Variants in SPATA6L observed in about 807,000 individuals in gnomAD.
SPATA6L encodes spermatogenesis associated 6 like, also known as spermatogenesis associated 6-like protein.
Under a neutral mutation model 49.2 loss-of-function variants are expected in SPATA6L, and 68 were observed. The ratio of observed to expected loss-of-function variants is 1.38; its 90% confidence interval spans 1.14 to 1.69. SPATA6L has a LOEUF of 1.69. SPATA6L is among the 40% of genes most tolerant of loss of function. The pLI is 0.00. For synonymous variants in SPATA6L, 198 were observed against 165.7 expected (o/e 1.19, Z -1.50); for missense variants, 668 against 464.3 (o/e 1.44, Z -4.03).
At chr9:4,595,432 A>G (rs2129960503), downstream of SPATA6L, among the ~76,000 whole-genome samples, 1 of 152,160 alleles carries the variant, frequency 6.6e-6, no homozygotes, top group African/African-American at 2.4e-5. Flanking sequence ...CTACTCCCAA[A>G]CCATCCTGCA....
intron 9 of SPATA6L, among the ~76,000 whole-genome samples, chr9:4,614,344 T>A (rs1247971181): frequency 1.3e-5 from 2 of 152,232 alleles, no homozygotes; most frequent in African/African-American, 4.8e-5. Flanking sequence ...CTCATCCTTA[T>A]GACCTTGATC....
At chr9:4,613,418 C>G (rs1827238326) in intron 9 of SPATA6L, among the ~76,000 whole-genome samples, 1 of 152,032 alleles carries the variant, frequency 6.6e-6, no homozygotes, top group Admixed American at 6.6e-5. Flanking sequence ...CCAGCTCTCT[C>G]TGTGACAAGC....
chr9:4,589,631 AG>A (rs1312287562), intron 13 of SPATA6L, among the ~76,000 whole-genome samples: 1 of 152,250 alleles, frequency 6.6e-6, no homozygotes, highest in Non-Finnish European at 1.5e-5. Context: ...AAACACAGAG[AG>A]GGGTTTGAGA....
chr9:4,618,615 A>G (rs4742016), intron 8 of SPATA6L, among the ~76,000 whole-genome samples: 12,157 of 152,184 alleles, frequency 0.08, 649 homozygotes, highest in East Asian at 0.26. Context: ...CACTACCAAT[A>G]AAGTAGGTAT....
At chr9:4,598,017 G>T (rs553157601), downstream of SPATA6L, among the ~76,000 whole-genome samples, 2 of 152,026 alleles carry the variant, frequency 1.3e-5, no homozygotes, top group Non-Finnish European at 2.9e-5. Flanking sequence ...CCTAAAACCC[G>T]CCACCTCTTT....
intron 7 of SPATA6L, 122 bp downstream of exon 7, chr9:4,622,286 G>A: frequency 3.1e-6 from 2 of 653,330 alleles, no homozygotes; most frequent in Non-Finnish European, 2.7e-6. Flanking sequence ...CAGCTGGAGA[G>A]TACTTGAGAA....
At position 4,629,120 on chromosome 9, in the gene SPATA6L, A is replaced by G. The variant is rs760762517; in HGVS notation, c.400T>C (p.Cys134Arg). 2.5e-5 allele frequency: 41 copies of G among 1,611,616 alleles called. No homozygotes were observed. The Middle Eastern group carries it at 6.6e-4, about 26-fold the overall frequency. ...AATCTGTTTCTATGCAGAAACACAC[A>G]TTCTCTGATGGCTGTCCTTGTAGAA... ...EFSTRTAIRECVFLHRNRFLE... is the reference protein window; with the variant it reads ...EFSTRTAIRERVFLHRNRFLE... Residue 134 changes from cysteine (C) to arginine (R), a missense_variant, in exon 5 of 12, where the codon TGT (cysteine) becomes CGT (arginine). Transcript: ENST00000682582.
chr9:4,593,291 G>A lies in SPATA6L; in HGVS notation c.*254+3144C>T, dbSNP rs1822025684. Among the ~76,000 whole-genome samples, 4 of 152,122 alleles carry A rather than the reference G, an allele frequency of 2.6e-5. No homozygotes were observed. The South Asian group carries it at 8.3e-4, about 31-fold the overall frequency. ...ACCAAATTTGCTCCTTCAAATTGCTGTTTGTTTTCCCATTCTAGCAAAAAT... is the reference window on the plus strand; with the variant it reads ...ACCAAATTTGCTCCTTCAAATTGCTATTTGTTTTCCCATTCTAGCAAAAAT... On this transcript the variant is annotated intron_variant and NMD_transcript_variant, in intron 13 of 13. Coordinates refer to the SPATA6L transcript ENST00000461761.
chr9:4,604,004 C>T (rs12004824), intron 11 of SPATA6L, among the ~76,000 whole-genome samples, 175 bp downstream of exon 11: 3,310 of 152,280 alleles, frequency 0.022, 106 homozygotes, highest in African/African-American at 0.076. Context: ...CTGGAAGGCA[C>T]GTGCACTGCA....
At chr9:4,612,781 G>A (rs907769810) in intron 9 of SPATA6L, among the ~76,000 whole-genome samples, 8 of 152,012 alleles carry the variant, frequency 5.3e-5, no homozygotes, top group South Asian at 2.1e-4. Context: ...TCATTCTCTC[G>A]TTCATTCATT....
intron 7 of SPATA6L, among the ~76,000 whole-genome samples, chr9:4,619,142 A>G (rs1275287652): frequency 1.4e-5 from 2 of 147,628 alleles, no homozygotes; most frequent in Admixed American, 1.4e-4. Flanking sequence ...TGAGGTCAAC[A>G]GTCAGGTTTT....
intron 11 of SPATA6L, among the ~76,000 whole-genome samples, chr9:4,602,358 C>A (rs1296245124): frequency 6.6e-6 from 1 of 152,112 alleles, no homozygotes; most frequent in Admixed American, 6.5e-5. Flanking sequence ...CAGAATCCGT[C>A]CTTTAATCTA....
At chr9:4,609,195 A>T (rs1402308786) in intron 9 of SPATA6L, among the ~76,000 whole-genome samples, 1 of 151,692 alleles carries the variant, frequency 6.6e-6, no homozygotes, top group Non-Finnish European at 1.5e-5. Flanking sequence ...AGATGGATTC[A>T]CAGCCGAATT....
At chr9:4,624,152 T>C (rs759778750) in intron 6 of SPATA6L, among the ~76,000 whole-genome samples, 2 of 152,220 alleles carry the variant, frequency 1.3e-5, no homozygotes, top group Non-Finnish European at 2.9e-5. Flanking sequence ...TAGTTAACAT[T>C]CTGGAGAATA....
downstream of SPATA6L, among the ~76,000 whole-genome samples, chr9:4,596,083 C>T (rs996303411): frequency 2.0e-5 from 3 of 152,246 alleles, no homozygotes; most frequent in Admixed American, 6.5e-5. Flanking sequence ...GTCCTAAAGA[C>T]ATCCGAGTTT....
rs115482832 is a variant in SPATA6L at position 4,637,090 on chromosome 9, A to C, written c.227-1691T>G. On this transcript the variant is annotated intron_variant, in intron 3 of 11. Coordinates refer to ENST00000682582, the MANE Select transcript of SPATA6L (RefSeq NM_001353486.2). The stretch of plus-strand genomic sequence containing the variant: ...TAAGCACCCTACCCTAGATTTCAAG[A>C]CTCTATATAATCAGGCTTCTAATAA... 8.6e-3 allele frequency among the ~76,000 whole-genome samples: 1,307 copies of C among 151,970 alleles called. 16 individuals carry two copies. Among genetic ancestry groups the C allele is most frequent in the African/African-American group, 0.03 (1,245 of 41,400 alleles).
At chr9:4,642,115 G>A (rs1317676207) in intron 3 of SPATA6L, among the ~76,000 whole-genome samples, 1 of 152,116 alleles carries the variant, frequency 6.6e-6, no homozygotes, top group Non-Finnish European at 1.5e-5. Flanking sequence ...TGTTGAATGG[G>A]CTTTTGACAT....
chr9:4,640,705 A>AACAT (rs1833845527), intron 3 of SPATA6L, among the ~76,000 whole-genome samples: 1 of 152,196 alleles, frequency 6.6e-6, no homozygotes, highest in Admixed American at 6.5e-5. Flanking sequence ...TGCCTGTAAA[A>AACAT]ACATACCTTG....
intron 4 of SPATA6L, among the ~76,000 whole-genome samples, 174 bp from the exon 5 acceptor site, chr9:4,629,342 T>C (rs1004775409): frequency 6.6e-6 from 1 of 152,188 alleles, no homozygotes; most frequent in African/African-American, 2.4e-5. Flanking sequence ...TAATATATAT[T>C]ATGTATCAGA....
Sources: allele counts gnomAD v4.1 joint callset (sites outside exome capture counted in the v4.1 genomes callset), GRCh38; gene constraint gnomAD v4.1.1; transcripts MANE v1.5; gene names NCBI Gene and HGNC (gene_info 2026-07-23, HGNC 2026-07-21).